The following FOXN3 variants were observed in gnomAD, a reference collection of about 807,000 sequenced individuals.
FOXN3 encodes forkhead box protein N3.
Under a neutral mutation model 38.4 loss-of-function variants are expected in FOXN3, and 7 were observed. That is an observed-to-expected ratio of 0.18 (90% CI 0.10 to 0.34). The LOEUF (loss-of-function observed/expected upper bound fraction) is 0.34, where lower values mean the gene tolerates loss of function less well. Among genes scored for constraint, FOXN3 ranks in the 10% least tolerant of loss-of-function variants. FOXN3 has a pLI of 1.00. For missense variants in FOXN3, 456 were observed against 613.4 expected (o/e 0.74, Z 2.71); for synonymous variants, 230 against 242.2 (o/e 0.95, Z 0.47).
intron 1 of FOXN3, chr14:89,494,197 C>G (rs952113752): frequency 1.3e-5 from 2 of 152,224 alleles, no homozygotes; most frequent in Non-Finnish European, 2.9e-5. Flanking sequence ...ATTTCTGCAA[C>G]TGTGTCACTG....
chr14:89,539,141 ACTTTT>A (rs1894747633), intron 1 of FOXN3, among the ~76,000 whole-genome samples: 3 of 152,050 alleles, frequency 2.0e-5, no homozygotes, highest in African/African-American at 4.8e-5. Context: ...GTGCCTGGCC[ACTTTT>A]CTTTTTTTTA....
intron 3 of FOXN3, among the ~76,000 whole-genome samples, chr14:89,330,838 G>A (rs910669502): frequency 3.3e-5 from 5 of 152,178 alleles, no homozygotes; most frequent in Non-Finnish European, 7.3e-5. Context: ...GGCCACACTT[G>A]GCCACAGTCG....
At chr14:89,465,687 C>A (rs1048587647) in intron 1 of FOXN3, among the ~76,000 whole-genome samples, 3 of 152,170 alleles carry the variant, frequency 2.0e-5, no homozygotes, top group South Asian at 2.1e-4. Flanking sequence ...TGATCTAATA[C>A]CTCCAACTTG....
intron 4 of FOXN3, among the ~76,000 whole-genome samples, chr14:89,182,625 T>C (rs1772350482): frequency 6.6e-6 from 1 of 152,166 alleles, no homozygotes; most frequent in African/African-American, 2.4e-5. Context: ...TAGAATGTGG[T>C]ATGCAGCGAA....
chr14:89,382,912 C>T (rs1017635624), intron 2 of FOXN3, among the ~76,000 whole-genome samples: 16 of 151,790 alleles, frequency 1.1e-4, no homozygotes, highest in South Asian at 4.1e-4. Flanking sequence ...GGGTCCAAGA[C>T]GGGAGAAGCA....
intron 4 of FOXN3, among the ~76,000 whole-genome samples, chr14:89,247,235 T>G (rs1885325312): frequency 6.6e-6 from 1 of 152,194 alleles, no homozygotes; most frequent in Non-Finnish European, 1.5e-5. Flanking sequence ...ACACAAAGCT[T>G]AAGCATAATT....
At chr14:89,406,998 GAAAA>G (rs35141347) in intron 2 of FOXN3, among the ~76,000 whole-genome samples, 7 of 128,456 alleles carry the variant, frequency 5.4e-5, no homozygotes, top group East Asian at 2.2e-4. Flanking sequence ...TAGACGAAAT[GAAAA>G]AAAAAAAAAA....
chr14:89,360,728 C>CCACCTCCAGCACTACCTCCACCACT (rs1889468692), intron 2 of FOXN3, among the ~76,000 whole-genome samples: 1 of 111,336 alleles, frequency 9.0e-6, no homozygotes, highest in Non-Finnish European at 1.9e-5. Flanking sequence ...CCTCCACCAC[C>CCACCTCCAGCACTACCTCCACCACT]ACCACCTCCA....
At chr14:89,246,621 C>A (rs1317563972) in intron 4 of FOXN3, among the ~76,000 whole-genome samples, 1 of 144,566 alleles carries the variant, frequency 6.9e-6, no homozygotes, top group Non-Finnish European at 1.5e-5. Flanking sequence ...CTCACTGCAA[C>A]CTCTGCCTCC....
At chr14:89,496,273 A>C (rs906388696) in intron 1 of FOXN3, among the ~76,000 whole-genome samples, 9 of 152,198 alleles carry the variant, frequency 5.9e-5, no homozygotes, top group Non-Finnish European at 1.2e-4. Context: ...ACTAAGTATC[A>C]GATTAATTGG....
At chr14:89,489,912 T>C (rs368340362) in intron 1 of FOXN3, among the ~76,000 whole-genome samples, 34 of 152,336 alleles carry the variant, frequency 2.2e-4, no homozygotes, top group African/African-American at 7.9e-4. Flanking sequence ...TGCTCCTATG[T>C]CAGCTTGGAG....
chr14:89,419,325 A>G, upstream of FOXN3: 1 of 404,024 alleles, frequency 2.5e-6, no homozygotes, highest in East Asian at 7.3e-5. Context: ...TCCACCTTCT[A>G]ATTCCATAGA....
intron 3 of FOXN3, among the ~76,000 whole-genome samples, chr14:89,295,062 C>A (rs1205526513): frequency 1.3e-5 from 2 of 152,108 alleles, no homozygotes; most frequent in African/African-American, 4.8e-5. Flanking sequence ...TGTTCCTTCC[C>A]AGCATGTCCT....
intron 5 of FOXN3, among the ~76,000 whole-genome samples, chr14:89,172,182 G>A (rs78770222): frequency 2.3e-3 from 347 of 152,232 alleles, no homozygotes; most frequent in Non-Finnish European, 3.2e-3. Flanking sequence ...AAATCATAAA[G>A]CTACAATGAG....
At chr14:89,434,437 T>C (rs1450089682) in intron 1 of FOXN3, among the ~76,000 whole-genome samples, 1 of 152,004 alleles carries the variant, frequency 6.6e-6, no homozygotes, top group African/African-American at 2.4e-5. Flanking sequence ...ACTGTGCTGG[T>C]CAAGCTGGTC....
chr14:89,579,080 C>T (rs1333132785), intron 1 of FOXN3, among the ~76,000 whole-genome samples: 1 of 151,790 alleles, frequency 6.6e-6, no homozygotes, highest in Non-Finnish European at 1.5e-5. Flanking sequence ...AAACTCTTGG[C>T]CTCAAGTGAT....
At chr14:89,482,436 C>A (rs1893352185) in intron 1 of FOXN3, among the ~76,000 whole-genome samples, 1 of 152,118 alleles carries the variant, frequency 6.6e-6, no homozygotes, top group Non-Finnish European at 1.5e-5. Context: ...GCCTGAACAA[C>A]ATAGCAAGAC....
At chr14:89,425,028 CT>C (rs929691261) in intron 1 of FOXN3, among the ~76,000 whole-genome samples, 2 of 141,174 alleles carry the variant, frequency 1.4e-5, no homozygotes, top group Non-Finnish European at 3.1e-5. Flanking sequence ...GTACAGCTGA[CT>C]TTTTTTTGTT....
At chr14:89,583,558 C>T (rs1231189550) in intron 1 of FOXN3, among the ~76,000 whole-genome samples, 1 of 152,084 alleles carries the variant, frequency 6.6e-6, no homozygotes, top group Admixed American at 6.5e-5. Flanking sequence ...CTCTCTCTTC[C>T]TGTTTTTATT....
Sources: allele counts gnomAD v4.1 joint callset (sites outside exome capture counted in the v4.1 genomes callset), GRCh38; gene constraint gnomAD v4.1.1; transcripts MANE v1.5; gene names NCBI Gene and HGNC (gene_info 2026-07-23, HGNC 2026-07-21).